GUCA1C: variants seen among roughly 807,000 people sequenced by gnomAD.
GUCA1C encodes guanylate cyclase activator 1C.
In GUCA1C, 15 loss-of-function variants were observed where a neutral mutation model predicts 16.2. The ratio of observed to expected loss-of-function variants is 0.93; its 90% CI spans 0.62 to 1.43. The LOEUF (loss-of-function observed/expected upper bound fraction) is 1.43. GUCA1C is among the 40% of genes most tolerant of loss of function. The probability of loss-of-function intolerance (pLI) is 0.00; values close to 1 mark genes in which losing one functional copy is unlikely to be tolerated. For missense variants in GUCA1C, 275 were observed against 244.8 expected, an observed-to-expected ratio of 1.12 and a Z score of -0.82; for synonymous variants, 78 against 85.4, an observed-to-expected ratio of 0.91 and a Z score of 0.48.
In GUCA1C at chr3:108,910,659, C is replaced by CT. The variant is rs200891013; in HGVS notation, c.443-2451dup. Among the ~76,000 whole-genome samples the CT allele has an allele frequency of 4.6e-3, 686 of 150,328 alleles. 4 individuals are homozygous for CT. Among genetic ancestry groups the CT allele is most frequent in the African/African-American group, 0.016 (656 of 40,944 alleles). ...ATTTCAATTTTTTTTTCTTCTTCTT[C>CT]TTTTTTTTGAGACGGAGTCTCCCTC... On this transcript the variant is annotated intron_variant, in intron 3 of 3. Coordinates refer to ENST00000261047, the MANE Select transcript of GUCA1C (RefSeq NM_005459.4).
At chr3:108,937,565 A>G (rs182798455) in intron 1 of GUCA1C, among the ~76,000 whole-genome samples, 28 of 152,344 alleles carry the variant, frequency 1.8e-4, no homozygotes, top group Middle Eastern at 3.4e-3. Context: ...TTGATTTTAG[A>G]TGGGAAACAG....
chr3:108,939,707 G>C (rs146043411), intron 1 of GUCA1C, among the ~76,000 whole-genome samples: 53 of 151,946 alleles, frequency 3.5e-4, no homozygotes, highest in African/African-American at 1.3e-3. Flanking sequence ...TTTGGACTCA[G>C]AATCCCCTTT....
At chr3:108,940,364 G>C (rs1247640044) in intron 1 of GUCA1C, among the ~76,000 whole-genome samples, 1 of 152,196 alleles carries the variant, frequency 6.6e-6, no homozygotes, top group East Asian at 1.9e-4. Context: ...TATGACACAA[G>C]TTAAAAGGCA....
chr3:108,909,744 T>C (rs1274318364), intron 3 of GUCA1C, among the ~76,000 whole-genome samples: 1 of 152,216 alleles, frequency 6.6e-6, no homozygotes, highest in African/African-American at 2.4e-5. Context: ...CTGCTGTTTT[T>C]TCACTTTCTT....
At chr3:108,922,337 T>C (rs1023613443) in intron 1 of GUCA1C, among the ~76,000 whole-genome samples, 13 of 152,210 alleles carry the variant, frequency 8.5e-5, no homozygotes, top group African/African-American at 2.7e-4. Flanking sequence ...ATGACTTCTT[T>C]TTCTCTGGGT....
chr3:108,919,388 T>C (rs113071057), intron 2 of GUCA1C, among the ~76,000 whole-genome samples: 9 of 152,310 alleles, frequency 5.9e-5, no homozygotes, highest in African/African-American at 2.2e-4. Context: ...CACGAGGTTG[T>C]GTATTCTCTA....
chr3:108,944,180 A>G (rs958297650), intron 1 of GUCA1C, among the ~76,000 whole-genome samples: 11 of 152,276 alleles, frequency 7.2e-5, no homozygotes, highest in Admixed American at 2.0e-4. Context: ...ATGGGGAAAA[A>G]AAGGAGGGAA....
In GUCA1C at chr3:108,916,652, TG is replaced by T. The variant is rs1177281570; in HGVS notation, c.355-439del. ...AAGCTTCCTCTCCGGCTTCCACCGC[TG>T]GCACCCCTGGTTCTTTGTGCCCTTT... On this transcript the variant is annotated intron_variant, in intron 2 of 3. Transcript: ENST00000261047. Among the ~76,000 whole-genome samples the T allele has an allele frequency of 3.9e-5, 6 of 152,224 alleles. No individual in the cohort carries two copies. The East Asian group carries it at 1.2e-3, about 29-fold the overall frequency.
intron 1 of GUCA1C, 107 bp downstream of exon 1, chr3:108,953,452 T>C: frequency 1.4e-6 from 1 of 704,300 alleles, no homozygotes; most frequent in East Asian, 2.6e-5. Context: ...CTCCATTCAG[T>C]GGGATGTACA....
At chr3:108,948,344 C>T (rs559279807) in intron 1 of GUCA1C, among the ~76,000 whole-genome samples, 3 of 152,290 alleles carry the variant, frequency 2.0e-5, no homozygotes, top group Admixed American at 6.5e-5. Context: ...CATGTAAAGA[C>T]GTGCTTCACC....
chr3:108,951,128 T>C lies in GUCA1C; in HGVS notation c.204+2431A>G, dbSNP rs747101960. ...AATCAAATAGAGTGGTTACGAGGAG[T>C]GGGGTGGGAGAAGAGGAAATGGGGA... On this transcript the variant is annotated intron_variant, in intron 1 of 3. Coordinates refer to ENST00000261047, the MANE Select transcript of GUCA1C (RefSeq NM_005459.4). 8.2e-4 allele frequency among the ~76,000 whole-genome samples: 121 copies of C among 147,492 alleles called. 1 individual carries two copies. The highest frequency in any genetic ancestry group is 5.1e-4 in the Non-Finnish European group (34 of 67,038).
chr3:108,932,077 C>T (rs1297164893), intron 1 of GUCA1C, among the ~76,000 whole-genome samples: 2 of 151,518 alleles, frequency 1.3e-5, no homozygotes, highest in Non-Finnish European at 2.9e-5. Context: ...GTCTCAATCT[C>T]CTGACCTCGT....
intron 1 of GUCA1C, among the ~76,000 whole-genome samples, chr3:108,944,336 A>G (rs1946821904): frequency 6.6e-6 from 1 of 152,022 alleles, no homozygotes; most frequent in South Asian, 2.1e-4. Flanking sequence ...ATGTGTTCTG[A>G]GCTAGAGAAT....
intron 3 of GUCA1C, 22 bp downstream of exon 3, chr3:108,916,105 C>T (rs1946507424): frequency 6.2e-7 from 1 of 1,612,022 alleles, no homozygotes; most frequent in African/African-American, 1.3e-5. Flanking sequence ...AAAAGTGATC[C>T]AGTAGAGAGT....
chr3:108,955,099 T>TG (rs1946935208), upstream of GUCA1C, among the ~76,000 whole-genome samples: 1 of 152,172 alleles, frequency 6.6e-6, no homozygotes, highest in Admixed American at 6.5e-5. Flanking sequence ...CTCATATATC[T>TG]GGTCTCTGTC....
intron 1 of GUCA1C, among the ~76,000 whole-genome samples, chr3:108,946,380 C>T (rs1270010472): frequency 6.6e-6 from 1 of 152,130 alleles, no homozygotes; most frequent in Non-Finnish European, 1.5e-5. Context: ...CATCTGCTCG[C>T]TTTCTTGGCC....
At position 108,908,041 on chromosome 3, in the gene GUCA1C, C is replaced by T. The variant is rs557545795; in HGVS notation, c.611G>A (p.Gly204Glu). Reference protein sequence around the residue: ...SSKSPDKAGLGKVKMK With the variant: ...SSKSPDKAGLEKVKMK ...TCACAGCTACTTCATTTTCACCTTC[C>T]CTAGACCAGCCTTGTCAGGAGATTT... The change falls in exon 4 of 4, where the codon GGG becomes GAG. Residue 204 changes from glycine to glutamate, a missense_variant. By Grantham distance (98) the Gly-to-Glu change is moderately conservative. Coordinates refer to ENST00000261047, the MANE Select transcript of GUCA1C (RefSeq NM_005459.4). The T allele has an allele frequency of 3.7e-5, 60 of 1,613,502 alleles. No homozygotes were observed. The South Asian group carries it at 6.0e-4, about 16-fold the overall frequency.
At chr3:108,937,542 T>C (rs1445156975) in intron 1 of GUCA1C, among the ~76,000 whole-genome samples, 1 of 152,252 alleles carries the variant, frequency 6.6e-6, no homozygotes, top group East Asian at 1.9e-4. Flanking sequence ...ATTTTAGTTC[T>C]AGAAACAGTC....
At chr3:108,921,946 C>T (rs1946572681) in intron 1 of GUCA1C, among the ~76,000 whole-genome samples, 1 of 152,052 alleles carries the variant, frequency 6.6e-6, no homozygotes, top group South Asian at 2.1e-4. Flanking sequence ...CTACCCTTTC[C>T]CCAAAGTCCA....
Sources: gnomAD v4.1 joint callset for allele counts (sites outside exome capture counted in the v4.1 genomes callset) on GRCh38, gnomAD v4.1.1 for gene constraint, MANE v1.5 for transcripts, NCBI Gene and HGNC (gene_info 2026-07-23, HGNC 2026-07-21) for gene names.